ZNF454: variants seen among roughly 807,000 people sequenced by gnomAD.
ZNF454 encodes the protein zinc finger protein 454.
Under a neutral mutation model 48.2 loss-of-function variants are expected in ZNF454, and 30 were observed. The observed-to-expected ratio is 0.62, with a 90% CI of 0.47 to 0.84. The LOEUF is 0.84. Ranked by LOEUF, ZNF454 falls within the 40% of genes least tolerant of loss-of-function variation. The pLI is 0.00. For missense variants in ZNF454, 510 were observed against 623.1 expected (o/e 0.82, Z 1.93); for synonymous variants, 204 against 211.4 (o/e 0.97, Z 0.30).
intron 4 of ZNF454, among the ~76,000 whole-genome samples, chr5:178,957,157 C>T (rs1032547747): frequency 6.6e-6 from 1 of 152,044 alleles, no homozygotes; most frequent in African/African-American, 2.4e-5. Flanking sequence ...GCTGGGATTA[C>T]AGGCGTGAGC....
intron 2 of ZNF454, among the ~76,000 whole-genome samples, chr5:178,945,662 T>C (rs1759301506): frequency 7.3e-6 from 1 of 137,894 alleles, no homozygotes; most frequent in Non-Finnish European, 1.6e-5. Context: ...AGGGTATGGG[T>C]ATGTATGCTT....
At chr5:178,962,646 T>G (rs1172251951) in intron 4 of ZNF454, among the ~76,000 whole-genome samples, 1 of 151,828 alleles carries the variant, frequency 6.6e-6, no homozygotes, top group Non-Finnish European at 1.5e-5. Flanking sequence ...ACAGTTATTT[T>G]AAGGTTCACG....
chr5:178,941,514 C>T lies in ZNF454; in HGVS notation c.-108+70C>T, dbSNP rs1759088775. The T allele has an allele frequency of 4.4e-6, 2 of 456,476 alleles. No individual in the cohort carries two copies. The highest frequency in any genetic ancestry group is 1.5e-5 in the South Asian group (1 of 64,556). The allele number at this position is 456,476 out of a possible 1,614,324, so 28.3% of individuals were successfully genotyped here. ...GGTCATCCTGGGCTGAGGGTCGAGT[C>T]TGTGAGTGCCTGTGGAGGAGATGGA... On this transcript the variant is annotated intron_variant, in intron 1 of 4. Transcript: ENST00000519564. The surrounding 1 kb of genome is among the most constrained non-coding windows in gnomAD (Gnocchi z 5.5).
Position 178,964,012 on chromosome 5 carries a change from A to G in ZNF454, c.251-643A>G, listed in dbSNP as rs376203180. Among the ~76,000 whole-genome samples, 4 of 151,694 alleles carry G rather than the reference A, an allele frequency of 2.6e-5. No individual in the cohort carries two copies. In the East Asian group the frequency reaches 8.1e-4, roughly 31 times the overall value. ...GGTACTTTTCTTCTTGTCTGTTAGC[A>G]TCATGTGGTCTTTATCAGGTTTTTC... On this transcript the variant is annotated intron_variant, in intron 4 of 4. Transcript: ENST00000519564.
At position 178,965,631 on chromosome 5, in the gene ZNF454, G is replaced by A; in HGVS notation, c.1227G>A (p.Glu409=). ...GACATCGGAAAATTCACACTGGAGAGAAACCTTACAGATGTGGCTTGTGTG... is the reference window on the plus strand; with the variant it reads ...GACATCGGAAAATTCACACTGGAGAAAAACCTTACAGATGTGGCTTGTGTG... ...FARHRKIHTG[E]KPYRCGLCEK... is the part of the protein sequence containing the mutation. Residue 409 remains glutamate (E), a synonymous_variant, in exon 5 of 5, where the codon GAG becomes GAA. Coordinates refer to ENST00000519564, the MANE Select transcript of ZNF454 (RefSeq NM_001178089.3). This position sits in a 1 kb window ranked among gnomAD's most constrained non-coding sequence, Gnocchi z 5.2. The A allele has an allele frequency of 6.2e-7, 1 of 1,614,164 alleles. No individual in the cohort carries two copies. The highest frequency in any genetic ancestry group is 8.5e-7 in the Non-Finnish European group (1 of 1,180,040).
the ZNF454 span, chr5:178,986,602 T>C: frequency 2.5e-6 from 4 of 1,604,706 alleles, no homozygotes; most frequent in East Asian, 6.7e-5. Context: ...TGTGAACTCG[T>C]CCACCTGGAA....
the ZNF454 span, chr5:178,989,494 T>C: frequency 6.5e-7 from 1 of 1,543,658 alleles, no homozygotes; most frequent in Non-Finnish European, 8.9e-7. Flanking sequence ...CACTTTCAGC[T>C]AGGAGTGGCC....
downstream of ZNF454, among the ~76,000 whole-genome samples, chr5:178,967,941 A>G (rs186064254): frequency 2.9e-3 from 445 of 151,786 alleles, 1 homozygote; most frequent in Non-Finnish European, 4.9e-3. Context: ...GGGTTTCACT[A>G]TGTTGGCCAG....
At chr5:178,956,281 G>A (rs1419562327) in intron 4 of ZNF454, among the ~76,000 whole-genome samples, 1 of 151,946 alleles carries the variant, frequency 6.6e-6, no homozygotes, top group Non-Finnish European at 1.5e-5. Flanking sequence ...CCATCATTGG[G>A]TCCGTTTTCT....
At chr5:178,981,336 C>T in the ZNF454 span, 1 of 323,782 alleles carries the variant, frequency 3.1e-6, no homozygotes, top group South Asian at 3.8e-5. This position sits in a 1 kb window ranked among gnomAD's most constrained non-coding sequence, Gnocchi z 5.1. Flanking sequence ...AGGCAAAGCC[C>T]AGGGCTTCAT....
the ZNF454 span, among the ~76,000 whole-genome samples, chr5:178,984,407 G>A: frequency 6.6e-5 from 10 of 152,328 alleles, no homozygotes; most frequent in Admixed American, 5.2e-4. Flanking sequence ...AAGTGCAGGC[G>A]AATTGAAGCC....
At chr5:178,947,310 A>C (rs1214873978) in intron 4 of ZNF454, among the ~76,000 whole-genome samples, 1 of 152,210 alleles carries the variant, frequency 6.6e-6, no homozygotes, top group Non-Finnish European at 1.5e-5. Context: ...TCAGCATCTG[A>C]CAGTGCAGTC....
Position 178,941,569 on chromosome 5 carries a change from G to A in ZNF454, c.-108+125G>A, listed in dbSNP as rs1759090804. 1 of 445,426 alleles carries A rather than the reference G, an allele frequency of 2.2e-6. No homozygotes were observed. Among genetic ancestry groups the A allele is most frequent in the South Asian group, 1.6e-5 (1 of 63,256 alleles). The allele number at this position is 445,426 out of a possible 1,614,324, so 27.6% of individuals were successfully genotyped here. A position where few individuals can be genotyped will look rare whatever the true frequency, so the allele number is the denominator to read the frequency against. On this transcript the variant is annotated intron_variant, in intron 1 of 4. Transcript: ENST00000519564. The surrounding 1 kb of genome is among the most constrained non-coding windows in gnomAD (Gnocchi z 5.5). Reference sequence around the variant, plus strand: ...GGGCCTCTGGCATGTGTCTTGGAGCGGACTCCGAGAAGCCCAGGGTTTCCT... The same window carrying A: ...GGGCCTCTGGCATGTGTCTTGGAGCAGACTCCGAGAAGCCCAGGGTTTCCT...
At chr5:178,989,392 G>GTAC in the ZNF454 span, 1 of 1,614,120 alleles carries the variant, frequency 6.2e-7, no homozygotes, top group South Asian at 1.1e-5. Flanking sequence ...GAGTCATGAA[G>GTAC]TACTGGTCAA....
At chr5:178,976,106 C>T in the ZNF454 span, 1 of 455,670 alleles carries the variant, frequency 2.2e-6, no homozygotes, top group Non-Finnish European at 4.4e-6. Flanking sequence ...GCACTTGCCA[C>T]TCCGCCTGCA....
intron 4 of ZNF454, among the ~76,000 whole-genome samples, chr5:178,955,764 T>G (rs1008442937): frequency 1.2e-4 from 18 of 152,240 alleles, no homozygotes; most frequent in Non-Finnish European, 7.3e-5. Flanking sequence ...TTATTAAATA[T>G]TTGACAGAAC....
chr5:178,987,521 C>G, the ZNF454 span: 1 of 447,232 alleles, frequency 2.2e-6, no homozygotes. Flanking sequence ...AATGGATGGA[C>G]CTGGAGGACA....
the ZNF454 span, chr5:178,986,909 C>A: frequency 1.9e-6 from 3 of 1,614,182 alleles, no homozygotes; most frequent in South Asian, 3.3e-5. Context: ...CCATTGGTCG[C>A]CTGGTACTGG....
the ZNF454 span, chr5:178,985,194 G>A: frequency 4.5e-6 from 2 of 447,644 alleles, no homozygotes; most frequent in Non-Finnish European, 9.0e-6. Context: ...AAACCGGTCA[G>A]ATAGCTCTTT....
Sources: gnomAD v4.1 joint callset for allele counts (sites outside exome capture counted in the v4.1 genomes callset) on GRCh38, gnomAD v4.1.1 for gene constraint, Gnocchi (gnomAD v3.1) non-coding constraint, MANE v1.5 for transcripts, NCBI Gene and HGNC (gene_info 2026-07-23, HGNC 2026-07-21) for gene names.